Variants in ABCE1 observed in about 807,000 individuals in gnomAD.
ABCE1 encodes ATP-binding cassette sub-family E member 1.
Under a neutral mutation model 83.4 loss-of-function variants are expected in ABCE1, and 22 were observed. That is an observed-to-expected ratio of 0.26 (90% CI 0.19 to 0.38). ABCE1 has a LOEUF of 0.38. ABCE1 is among the 10% of genes least tolerant of loss of function. The probability of loss-of-function intolerance (pLI) is 1.00; values close to 1 mark genes in which losing one functional copy is unlikely to be tolerated. For missense variants in ABCE1, 330 were observed against 721.9 expected (o/e 0.46, Z 6.22); for synonymous variants, 204 against 233.7 (o/e 0.87, Z 1.16).
intron 2 of ABCE1, among the ~76,000 whole-genome samples, chr4:145,104,898 A>T (rs921849600): frequency 2.0e-5 from 3 of 151,940 alleles, no homozygotes; most frequent in African/African-American, 7.2e-5. Context: ...TTTCATATTT[A>T]AAAAATGAAC....
chr4:145,100,459 C>A (rs1489108881), intron 1 of ABCE1, among the ~76,000 whole-genome samples: 3 of 152,234 alleles, frequency 2.0e-5, no homozygotes, highest in Non-Finnish European at 4.4e-5. Flanking sequence ...GGTGATTTAT[C>A]CCCTGGAGGG....
At chr4:145,123,716 G>C (rs759010921) in intron 16 of ABCE1, 116 bp downstream of exon 16, 243 of 1,066,644 alleles carry the variant, frequency 2.3e-4, no homozygotes, top group Non-Finnish European at 3.2e-4. Context: ...ACTTGATTCT[G>C]TGACTCCTGA....
At chr4:145,116,640 C>G (rs1038108376) in intron 9 of ABCE1, among the ~76,000 whole-genome samples, 7 of 151,788 alleles carry the variant, frequency 4.6e-5, no homozygotes, top group African/African-American at 1.7e-4. Context: ...CTATTACTTG[C>G]GTCTAAAACT....
chr4:145,104,014 T>C (rs932070510), intron 1 of ABCE1, among the ~76,000 whole-genome samples: 1 of 152,136 alleles, frequency 6.6e-6, no homozygotes, highest in South Asian at 2.1e-4. Flanking sequence ...CTATTCTTTA[T>C]TATAAAAACT....
chr4:145,098,873 G>A lies in ABCE1; in HGVS notation c.-28+454G>A, dbSNP rs33911355. On this transcript the variant is annotated intron_variant, in intron 1 of 17. Transcript: ENST00000296577. The stretch of plus-strand genomic sequence containing the variant: ...AGTCGTGGCTTCCACGTTTTGTTGA[G>A]TGGAATGAGTCATGGCATCTTGCCG... 7.4e-4 allele frequency among the ~76,000 whole-genome samples: 113 copies of A among 152,356 alleles called. 1 individual carries two copies. The highest frequency in any genetic ancestry group is 2.7e-3 in the African/African-American group (112 of 41,590).
At chr4:145,125,616 C>T (rs757416263) in intron 17 of ABCE1, among the ~76,000 whole-genome samples, 82 of 152,122 alleles carry the variant, frequency 5.4e-4, no homozygotes, top group Non-Finnish European at 2.6e-4. Context: ...AGAGCTCTTC[C>T]TGTTTTCTCT....
At chr4:145,112,391 G>A in intron 9 of ABCE1, 63 bp downstream of exon 9, 1 of 1,125,612 alleles carries the variant, frequency 8.9e-7, no homozygotes, top group Non-Finnish European at 1.3e-6. Context: ...GATTTCTAAG[G>A]ATTAAACACT....
rs1450934628 is a variant in ABCE1 at position 145,129,498 on chromosome 4, G to GAAAT, written c.*1929_*1932dup. 3.3e-5 allele frequency among the ~76,000 whole-genome samples: 5 copies of GAAAT among 152,114 alleles called. No individual in the cohort carries two copies. The highest frequency in any genetic ancestry group is 1.2e-4 in the African/African-American group (5 of 41,496). On this transcript the variant is annotated 3_prime_UTR_variant, in exon 18 of 18. Transcript: ENST00000296577. ...TTTTTGTGAAAATATACAAAATATT[G>GAAAT]AAATAAAGGAATACTCAAGAAACAG...
intron 1 of ABCE1, 42 bp from the exon 2 acceptor site, chr4:145,104,344 C>A: frequency 1.1e-6 from 1 of 925,414 alleles, no homozygotes; most frequent in Non-Finnish European, 1.6e-6. Flanking sequence ...AAATTAGTTC[C>A]CTTAACTAAT....
chr4:145,110,006 T>C, intron 5 of ABCE1, 97 bp from the exon 6 acceptor site: 4 of 1,125,750 alleles, frequency 3.6e-6, no homozygotes, highest in Non-Finnish European at 4.9e-6. Context: ...GCCACAAGTG[T>C]TCTATTTGCA....
At chr4:145,099,048 A>T (rs934791152) in intron 1 of ABCE1, among the ~76,000 whole-genome samples, 3 of 152,182 alleles carry the variant, frequency 2.0e-5, no homozygotes, top group Non-Finnish European at 4.4e-5. Context: ...TTTTTTTGGT[A>T]CGCTTTTGTA....
chr4:145,125,716 A>ATT (rs917449338), intron 17 of ABCE1, among the ~76,000 whole-genome samples: 9 of 152,274 alleles, frequency 5.9e-5, no homozygotes, highest in Admixed American at 3.9e-4. Context: ...GTAACAAAGA[A>ATT]TTTTTTAAGA....
intron 10 of ABCE1, among the ~76,000 whole-genome samples, chr4:145,118,167 G>GA (rs1413374614): frequency 1.3e-5 from 2 of 150,104 alleles, no homozygotes; most frequent in Admixed American, 1.3e-4. Context: ...GTTTACTCAG[G>GA]AAAAAAATAC....
chr4:145,103,295 A>C (rs1749204449), intron 1 of ABCE1, among the ~76,000 whole-genome samples: 1 of 152,226 alleles, frequency 6.6e-6, no homozygotes, highest in Non-Finnish European at 1.5e-5. Context: ...AGAAAAAGAC[A>C]ACATGATCTC....
At chr4:145,120,885 G>A in intron 11 of ABCE1, 1 of 311,692 alleles carries the variant, frequency 3.2e-6, no homozygotes, top group African/African-American at 2.1e-5. Flanking sequence ...TGATAATTTA[G>A]CTAAGTAGAT....
At chr4:145,104,617 C>A in intron 2 of ABCE1, 102 bp downstream of exon 2, 1 of 688,376 alleles carries the variant, frequency 1.5e-6, no homozygotes, top group Non-Finnish European at 2.2e-6. Context: ...TTGTGTTCAC[C>A]ATTAGTTTCA....
At chr4:145,102,576 G>GT (rs1022382606) in intron 1 of ABCE1, among the ~76,000 whole-genome samples, 36 of 150,640 alleles carry the variant, frequency 2.4e-4, no homozygotes, top group South Asian at 2.3e-3. Flanking sequence ...CAGGTTTTGT[G>GT]TTTTTTTTTC....
intron 13 of ABCE1, chr4:145,121,623 C>G (rs1157456452): frequency 1.5e-5 from 6 of 397,428 alleles, no homozygotes; most frequent in South Asian, 2.7e-5. Flanking sequence ...CCTGTAATGC[C>G]AACACTTCGG....
rs768251145 is a variant in ABCE1 at position 145,112,230 on chromosome 4, T to A, written c.711-9T>A. 13 of 1,529,318 alleles carry A rather than the reference T, an allele frequency of 8.5e-6. No individual in the cohort carries two copies. The highest frequency in any genetic ancestry group is 3.6e-4 in the Middle Eastern group (2 of 5,600). The allele number at this position is 1,529,318 out of a possible 1,614,324, so 94.7% of individuals were successfully genotyped here. A position where few individuals can be genotyped will look rare whatever the true frequency, so the allele number is the denominator to read the frequency against. On this transcript the variant is annotated splice_polypyrimidine_tract_variant and intron_variant, in intron 8 of 17. Coordinates refer to ENST00000296577, the MANE Select transcript of ABCE1 (RefSeq NM_002940.3). ...ACTTATATTTGCTTTTTTTTTTTTT[T>A]TTTCATAGTTTCATGTTTGATGAGC... is the stretch of plus-strand genomic sequence containing the variant.
Sources: gnomAD v4.1 joint callset for allele counts (sites outside exome capture counted in the v4.1 genomes callset) on GRCh38, gnomAD v4.1.1 for gene constraint, MANE v1.5 for transcripts, NCBI Gene and HGNC (gene_info 2026-07-23, HGNC 2026-07-21) for gene names.